SNTG1: variants seen among roughly 807,000 people sequenced by gnomAD.
SNTG1 encodes gamma-1-syntrophin.
SNTG1 carries 39 observed loss-of-function variants against 74.7 expected under a neutral mutation model. The observed-to-expected ratio is 0.52, with a 90% confidence interval of 0.40 to 0.68. The LOEUF (loss-of-function observed/expected upper bound fraction) is 0.68, where lower values mean the gene tolerates loss of function less well. Among genes scored for constraint, SNTG1 ranks in the 30% least tolerant of loss-of-function variants. SNTG1 has a pLI of 0.00. For synonymous variants in SNTG1, 254 were observed against 217.1 expected (o/e 1.17, Z -1.49); for missense variants, 685 against 609.5 (o/e 1.12, Z -1.30).
At chr8:50,357,296 G>A (rs1267579620) in intron 2 of SNTG1, among the ~76,000 whole-genome samples, 2 of 152,166 alleles carry the variant, frequency 1.3e-5, no homozygotes, top group Non-Finnish European at 2.9e-5. Context: ...CCCACAGTGG[G>A]GACTATCCTG....
At chr8:50,529,173 C>T (rs985308362) in intron 9 of SNTG1, among the ~76,000 whole-genome samples, 2 of 151,708 alleles carry the variant, frequency 1.3e-5, no homozygotes, top group Non-Finnish European at 2.9e-5. Flanking sequence ...TACATATATA[C>T]ATTAAAATGT....
chr8:50,674,798 A>G (rs541770702), intron 15 of SNTG1, among the ~76,000 whole-genome samples: 5 of 152,182 alleles, frequency 3.3e-5, no homozygotes, highest in Admixed American at 6.6e-5. Context: ...TGATGTGGGC[A>G]TTTAGTGCTA....
At chr8:50,547,602 A>G (rs1315230731) in intron 11 of SNTG1, among the ~76,000 whole-genome samples, 3 of 152,112 alleles carry the variant, frequency 2.0e-5, no homozygotes, top group Non-Finnish European at 4.4e-5. Context: ...ATTAATTAAT[A>G]TTAATTTTAA....
intron 13 of SNTG1, among the ~76,000 whole-genome samples, chr8:50,650,955 CT>C (rs1470496495): frequency 1.3e-5 from 2 of 152,134 alleles, no homozygotes; most frequent in Non-Finnish European, 2.9e-5. Flanking sequence ...CCCATCTTGG[CT>C]TTCCAAAGTT....
Position 50,752,005 on chromosome 8 carries a change from T to C in SNTG1, c.1289T>C (p.Val430Ala), listed in dbSNP as rs1461809419. The change falls in exon 18 of 19, where the codon GTC (valine) becomes GCC (alanine). Residue 430 changes from valine (V) to alanine (A), a missense_variant. Physicochemically the swap from Val to Ala is moderately conservative, Grantham distance 64. Transcript: ENST00000642720. ...FICFDAATKA[V>A]LWRYKFSQLK... ...TGTTTTTTTTCCCCCCTTTAGGCTG[T>C]CCTTTGGAGGTATAAATTCTCTCAG... is the stretch of plus-strand genomic sequence containing the variant. The C allele has an allele frequency of 4.5e-6, 7 of 1,551,304 alleles. No individual in the cohort carries two copies. Among genetic ancestry groups the C allele is most frequent in the Non-Finnish European group, 5.2e-6 (6 of 1,155,876 alleles).
chr8:50,497,785 T>G, intron 8 of SNTG1, among the ~76,000 whole-genome samples: 1 of 152,068 alleles, frequency 6.6e-6, no homozygotes. Flanking sequence ...CCCCATTCCC[T>G]GAACAATCAC....
chr8:50,224,408 T>C (rs542438490), intron 2 of SNTG1, among the ~76,000 whole-genome samples: 23 of 152,298 alleles, frequency 1.5e-4, no homozygotes, highest in Non-Finnish European at 2.5e-4. Context: ...CTAAAGAGCA[T>C]ATGGCTAATC....
intron 1 of SNTG1, among the ~76,000 whole-genome samples, chr8:49,916,430 T>C (rs778601769): frequency 9.9e-5 from 15 of 152,196 alleles, no homozygotes; most frequent in Admixed American, 9.2e-4. Context: ...GATCATGTTA[T>C]ATTTTTTTTC....
At chr8:50,454,895 T>C (rs369501201) in intron 8 of SNTG1, among the ~76,000 whole-genome samples, 34 of 149,054 alleles carry the variant, frequency 2.3e-4, no homozygotes, top group African/African-American at 8.4e-4. Context: ...TGAGACTGAG[T>C]ACTTTCTGAG....
At chr8:50,577,282 T>C (rs1214861349) in intron 12 of SNTG1, among the ~76,000 whole-genome samples, 2 of 152,160 alleles carry the variant, frequency 1.3e-5, no homozygotes, top group Non-Finnish European at 2.9e-5. Context: ...CTTCGATTGA[T>C]TTTCATGTGT....
At chr8:50,012,507 G>C (rs1044822532) in intron 1 of SNTG1, among the ~76,000 whole-genome samples, 1 of 152,134 alleles carries the variant, frequency 6.6e-6, no homozygotes, top group African/African-American at 2.4e-5. Context: ...ATTTCCAAAG[G>C]CTCTGAGGTT....
At chr8:50,724,647 C>A (rs2095495748) in intron 17 of SNTG1, among the ~76,000 whole-genome samples, 1 of 152,064 alleles carries the variant, frequency 6.6e-6, no homozygotes, top group Non-Finnish European at 1.5e-5. Flanking sequence ...GGTAGAGGAT[C>A]ACAGTTTGTT....
intron 1 of SNTG1, among the ~76,000 whole-genome samples, chr8:49,972,950 G>A (rs1811839260): frequency 6.6e-6 from 1 of 152,204 alleles, no homozygotes; most frequent in Non-Finnish European, 1.5e-5. Context: ...GTGGAAGTTG[G>A]TGTGGCGATT....
In SNTG1 at chr8:50,632,296, T is replaced by C. The variant is rs6993197; in HGVS notation, c.850-24613T>C. 2.1e-3 allele frequency among the ~76,000 whole-genome samples: 219 copies of C among 104,000 alleles called. 1 individual carries two copies. The highest frequency in any genetic ancestry group is 0.019 in the African/African-American group (181 of 9,744). 68.2% of individuals were successfully genotyped at this position (104,000 alleles called of 152,430 possible). On this transcript the variant is annotated intron_variant, in intron 13 of 18. Coordinates refer to ENST00000642720, the MANE Select transcript of SNTG1 (RefSeq NM_018967.5). ...AATAGTCTTTTTAATTTTATTTATT[T>C]ATTTATTTATTTATTTATTTATTTA...
chr8:50,320,687 T>G (rs769745251), intron 2 of SNTG1, among the ~76,000 whole-genome samples: 1 of 152,096 alleles, frequency 6.6e-6, no homozygotes, highest in Admixed American at 6.5e-5. Flanking sequence ...ATTTGCTGTA[T>G]CCCACAGGTT....
At chr8:50,641,819 C>T (rs951590398) in intron 13 of SNTG1, among the ~76,000 whole-genome samples, 2 of 152,034 alleles carry the variant, frequency 1.3e-5, no homozygotes, top group African/African-American at 4.8e-5. Flanking sequence ...CTCTCCTCTT[C>T]TCTATTACCA....
chr8:49,972,601 T>G (rs1211998276), intron 1 of SNTG1, among the ~76,000 whole-genome samples: 1 of 151,946 alleles, frequency 6.6e-6, no homozygotes, highest in Non-Finnish European at 1.5e-5. Flanking sequence ...GGAAGAAAAT[T>G]TTTGCAACCT....
chr8:50,656,935 C>A lies in SNTG1; in HGVS notation c.876C>A (p.Ala292=). Residue 292 remains alanine, a synonymous_variant, in exon 14 of 19, where the codon GCC becomes GCA. Transcript: ENST00000642720. The part of the protein sequence containing the change: ...QQIVYMGWCE[A]REQDPLQDRV... ...TTGTCTACATGGGCTGGTGTGAAGC[C>A]CGGGAGCAAGACCCCCTCCAGGACA... The A allele has an allele frequency of 6.2e-7, 1 of 1,603,582 alleles. No individual in the cohort carries two copies. The highest frequency in any genetic ancestry group is 1.7e-5 in the Admixed American group (1 of 59,076).
intron 2 of SNTG1, among the ~76,000 whole-genome samples, chr8:50,350,990 G>T (rs1053399192): frequency 2.6e-5 from 4 of 152,136 alleles, no homozygotes. Flanking sequence ...AAATCTTGTT[G>T]GTGCTCACTC....
Sources: allele counts gnomAD v4.1 joint callset (sites outside exome capture counted in the v4.1 genomes callset), GRCh38; gene constraint gnomAD v4.1.1; transcripts MANE v1.5; gene names NCBI Gene and HGNC (gene_info 2026-07-23, HGNC 2026-07-21).